MARCHF11: variants seen among roughly 807,000 people sequenced by gnomAD.
MARCHF11 encodes E3 ubiquitin-protein ligase MARCHF11.
In MARCHF11, 29 loss-of-function variants were observed where a neutral mutation model predicts 37.3. That is an observed-to-expected ratio of 0.78 (90% CI 0.58 to 1.06). The LOEUF is 1.06. Ranked by LOEUF, MARCHF11 falls within the 50% of genes least tolerant of loss-of-function variation. The pLI is 0.00. For missense variants in MARCHF11, 482 were observed against 533.4 expected (o/e 0.90, Z 0.95); for synonymous variants, 233 against 228.0 (o/e 1.02, Z -0.20).
At position 16,067,261 on chromosome 5, in the gene MARCHF11, A is replaced by G. The variant is rs1579669218; in HGVS notation, c.*210T>C. 2.0e-6 allele frequency: 1 copy of G among 498,482 alleles called. No individual in the cohort carries two copies. The highest frequency in any genetic ancestry group is 3.5e-6 in the Non-Finnish European group (1 of 285,358). 30.9% of individuals were successfully genotyped at this position (498,482 alleles called of 1,614,324 possible). On this transcript the variant is annotated 3_prime_UTR_variant, in exon 4 of 4. Coordinates refer to ENST00000332432, the MANE Select transcript of MARCHF11 (RefSeq NM_001102562.3). Reference sequence around the variant, plus strand: ...ATATGTATAATGATTTCAAGTACCAACTTATAAAAGATGTGACAAACCAGA... The same window carrying G: ...ATATGTATAATGATTTCAAGTACCAGCTTATAAAAGATGTGACAAACCAGA...
intron 2 of MARCHF11, among the ~76,000 whole-genome samples, chr5:16,151,842 T>C (rs1373432419): frequency 6.6e-6 from 1 of 151,652 alleles, no homozygotes; most frequent in Non-Finnish European, 1.5e-5. Flanking sequence ...GGAATGCAAA[T>C]AAAATAATGA....
In MARCHF11 at chr5:16,067,683, T is replaced by C. The variant is rs573428797; in HGVS notation, c.997A>G (p.Ser333Gly). The change falls in exon 4 of 4, where the codon AGC becomes GGC. Residue 333 changes from serine to glycine, a missense_variant. Ser to Gly is a moderately conservative substitution (Grantham distance 56). Transcript: ENST00000332432. ...NYDKATDIEE[S>G]SRGESSTSRT... ...CTTGTGGAAGACTCTCCCCGGCTGC[T>C]TTCTTCGATGTCTGTGGCTTTGTCA... is the stretch of plus-strand genomic sequence containing the variant. 5.0e-6 allele frequency: 8 copies of C among 1,613,982 alleles called. No homozygotes were observed. In the African/African-American group the frequency reaches 9.3e-5, roughly 19 times the overall value.
intron 2 of MARCHF11, among the ~76,000 whole-genome samples, chr5:16,171,806 C>T (rs986278159): frequency 1.2e-4 from 19 of 152,164 alleles, no homozygotes; most frequent in African/African-American, 4.6e-4. Flanking sequence ...CCAACAACTG[C>T]CAAATCTTCT....
intron 3 of MARCHF11, among the ~76,000 whole-genome samples, chr5:16,077,726 T>C (rs1736544856): frequency 6.6e-6 from 1 of 152,222 alleles, no homozygotes; most frequent in African/African-American, 2.4e-5. Context: ...TTCTATGTCC[T>C]AGTAAGAAAA....
At chr5:16,107,692 GC>G (rs145453443) in intron 2 of MARCHF11, among the ~76,000 whole-genome samples, 7 of 151,884 alleles carry the variant, frequency 4.6e-5, no homozygotes, top group Admixed American at 4.6e-4. Flanking sequence ...GGCCGATCAC[GC>G]CCCCCTATCC....
At chr5:16,088,268 A>G (rs565865421) in intron 3 of MARCHF11, among the ~76,000 whole-genome samples, 1 of 152,298 alleles carries the variant, frequency 6.6e-6, no homozygotes, top group Admixed American at 6.5e-5. Flanking sequence ...AACTGTGCAC[A>G]TCCCACTGTA....
rs1738088756 is a variant in MARCHF11, at chr5:16,162,065, G to A, written c.693+15661C>T. ...CCAGGTAGACGCAATTTATCATATA[G>A]AGAGGTTTTTGAAATCCTAATGCTT... On this transcript the variant is annotated intron_variant, in intron 2 of 3. Transcript: ENST00000332432. Among the ~76,000 whole-genome samples the A allele has an allele frequency of 2.6e-5, 4 of 152,088 alleles. No homozygotes were observed. The South Asian group carries it at 8.3e-4, about 32-fold the overall frequency.
chr5:16,095,507 A>AGG, intron 2 of MARCHF11, among the ~76,000 whole-genome samples: 1 of 149,980 alleles, frequency 6.7e-6, no homozygotes, highest in Non-Finnish European at 1.5e-5. Context: ...GGAGGGAGGG[A>AGG]GATCCCTCAA....
At chr5:16,173,347 CAG>C (rs1579427873) in intron 2 of MARCHF11, among the ~76,000 whole-genome samples, 1 of 152,200 alleles carries the variant, frequency 6.6e-6, no homozygotes, top group African/African-American at 2.4e-5. Context: ...ACCCACCTGA[CAG>C]GGGCTGTTCT....
At chr5:16,145,088 C>A (rs1001526030) in intron 2 of MARCHF11, among the ~76,000 whole-genome samples, 1 of 152,112 alleles carries the variant, frequency 6.6e-6, no homozygotes, top group African/African-American at 2.4e-5. Context: ...CAAAGATCCT[C>A]CACCCTTTCT....
Position 16,126,377 on chromosome 5 carries a change from T to C in MARCHF11, c.694-35296A>G, listed in dbSNP as rs2126580804. On this transcript the variant is annotated intron_variant, in intron 2 of 3. Coordinates refer to ENST00000332432, the MANE Select transcript of MARCHF11 (RefSeq NM_001102562.3). ...ATGCCACTAATTAAAAACAAAATAA[T>C]TTACTAGAAAATGTTGGCAGATAAA... is the stretch of plus-strand genomic sequence containing the variant. Among the ~76,000 whole-genome samples, 4 of 152,310 alleles carry C rather than the reference T, an allele frequency of 2.6e-5. 1 individual carries two copies. The South Asian group carries it at 8.3e-4, about 32-fold the overall frequency.
intron 2 of MARCHF11, among the ~76,000 whole-genome samples, chr5:16,157,299 T>C (rs145762858): frequency 4.6e-4 from 70 of 151,942 alleles, no homozygotes; most frequent in African/African-American, 1.7e-3. Context: ...ATGCAAACCC[T>C]ATCAAAAGTC....
intron 2 of MARCHF11, among the ~76,000 whole-genome samples, chr5:16,096,280 C>T (rs78394500): frequency 0.015 from 2,285 of 152,324 alleles, 44 homozygotes; most frequent in African/African-American, 0.051. Flanking sequence ...TAAATGGCAT[C>T]TCCAAATATT....
intron 2 of MARCHF11, among the ~76,000 whole-genome samples, chr5:16,107,833 T>G (rs1737069625): frequency 6.7e-6 from 1 of 149,636 alleles, no homozygotes; most frequent in Non-Finnish European, 1.5e-5. Flanking sequence ...CCTAGAGGAG[T>G]TTGGCTGGGG....
chr5:16,144,769 A>C, intron 2 of MARCHF11, among the ~76,000 whole-genome samples: 1 of 152,232 alleles, frequency 6.6e-6, no homozygotes. Flanking sequence ...TGATTAAAAA[A>C]TAATTTTCAG....
At chr5:16,090,554 G>GA in intron 3 of MARCHF11, among the ~76,000 whole-genome samples, 1 of 152,130 alleles carries the variant, frequency 6.6e-6, no homozygotes, top group Non-Finnish European at 1.5e-5. Flanking sequence ...TTTGTAAAGG[G>GA]AAACTGGTTT....
At chr5:16,119,452 T>C (rs1046602449) in intron 2 of MARCHF11, among the ~76,000 whole-genome samples, 4 of 151,876 alleles carry the variant, frequency 2.6e-5, no homozygotes, top group Non-Finnish European at 4.4e-5. Flanking sequence ...GGAGCAGGAA[T>C]AGAAGGATGT....
At position 16,067,593 on chromosome 5, in the gene MARCHF11, T is replaced by A. The variant is rs1191246527; in HGVS notation, c.1087A>T (p.Thr363Ser). 10 of 1,613,920 alleles carry A rather than the reference T, an allele frequency of 6.2e-6. No individual in the cohort carries two copies. Among genetic ancestry groups the A allele is most frequent in the Non-Finnish European group, 8.5e-6 (10 of 1,179,846 alleles). The change falls in exon 4 of 4, where the codon ACC becomes TCC. Residue 363 changes from threonine (T) to serine (S), a missense_variant. Thr to Ser is a moderately conservative substitution (Grantham distance 58). Transcript: ENST00000332432. ...NRNLVHPTQL[T>S]SPRFQCGYVL... ...TAGCCACACTGAAACCTTGGTGAGG[T>A]TAACTGAGTTGGGTGGACCAAGTTT...
intron 2 of MARCHF11, among the ~76,000 whole-genome samples, chr5:16,127,655 G>A (rs576695375): frequency 4.6e-5 from 7 of 152,280 alleles, no homozygotes; most frequent in South Asian, 2.1e-4. Context: ...GGGAGGGACC[G>A]TCCTAACTGT....
Sources: gnomAD v4.1 joint callset for allele counts (sites outside exome capture counted in the v4.1 genomes callset) on GRCh38, gnomAD v4.1.1 for gene constraint, MANE v1.5 for transcripts, NCBI Gene and HGNC (gene_info 2026-07-23, HGNC 2026-07-21) for gene names.